Variants in PIP5K1B observed in about 807,000 individuals in gnomAD.
PIP5K1B encodes the protein phosphatidylinositol-4-phosphate 5-kinase type 1 beta, also known as phosphatidylinositol 4-phosphate 5-kinase type-1 beta.
Under a neutral mutation model 67.0 loss-of-function variants are expected in PIP5K1B, and 42 were observed. The ratio of observed to expected loss-of-function variants is 0.63; its 90% CI spans 0.49 to 0.81. The LOEUF (loss-of-function observed/expected upper bound fraction) is 0.81. PIP5K1B is among the 30% of genes least tolerant of loss of function. The probability of loss-of-function intolerance (pLI) is 0.00; values close to 1 mark genes in which losing one functional copy is unlikely to be tolerated. For missense variants in PIP5K1B, 459 were observed against 646.3 expected, an observed-to-expected ratio of 0.71 and a Z score of 3.14; for synonymous variants, 214 against 231.4, an observed-to-expected ratio of 0.92 and a Z score of 0.68.
chr9:68,750,356 T>C (rs1829562323), intron 2 of PIP5K1B, among the ~76,000 whole-genome samples: 1 of 152,180 alleles, frequency 6.6e-6, no homozygotes, highest in Non-Finnish European at 1.5e-5. Flanking sequence ...CTTTATATAA[T>C]TCCCTGGATA....
chr9:68,817,242 G>A (rs1337266229), intron 2 of PIP5K1B, among the ~76,000 whole-genome samples: 2 of 152,226 alleles, frequency 1.3e-5, no homozygotes, highest in African/African-American at 4.8e-5. Flanking sequence ...GTGCTGATCA[G>A]TGTGTCAATA....
intron 5 of PIP5K1B, among the ~76,000 whole-genome samples, chr9:68,871,888 A>G (rs1487193279): frequency 7.0e-6 from 1 of 142,902 alleles, no homozygotes; most frequent in Non-Finnish European, 1.5e-5. Context: ...CGCCAAGACA[A>G]GAAAGTCAGT....
intron 1 of PIP5K1B, among the ~76,000 whole-genome samples, chr9:68,736,061 A>G (rs1245594090): frequency 6.6e-6 from 1 of 152,178 alleles, no homozygotes; most frequent in African/African-American, 2.4e-5. Context: ...GGATGGAATC[A>G]CGGAAAGCGC....
intron 6 of PIP5K1B, among the ~76,000 whole-genome samples, chr9:68,887,382 T>A (rs1346026870): frequency 2.0e-5 from 3 of 152,036 alleles, no homozygotes. Flanking sequence ...AGCCTGGCTG[T>A]TGAGAGTATG....
At chr9:68,773,115 TC>T (rs1830744639) in intron 2 of PIP5K1B, among the ~76,000 whole-genome samples, 1 of 152,178 alleles carries the variant, frequency 6.6e-6, no homozygotes, top group African/African-American at 2.4e-5. Context: ...TACACTGAGC[TC>T]TTAAGATTCC....
chr9:68,847,111 A>G (rs1420214474), intron 4 of PIP5K1B, among the ~76,000 whole-genome samples: 1 of 152,144 alleles, frequency 6.6e-6, no homozygotes, highest in Non-Finnish European at 1.5e-5. Flanking sequence ...TATCTCTTGA[A>G]TTAATTAACT....
chr9:68,730,787 G>T (rs1828386614), intron 1 of PIP5K1B, among the ~76,000 whole-genome samples: 1 of 152,174 alleles, frequency 6.6e-6, no homozygotes, highest in African/African-American at 2.4e-5. Context: ...CCTTAAAATG[G>T]GTGGGTAGGC....
chr9:68,879,229 G>T (rs936241073), intron 6 of PIP5K1B, among the ~76,000 whole-genome samples: 1 of 152,176 alleles, frequency 6.6e-6, no homozygotes, highest in Admixed American at 6.5e-5. Context: ...TGATATCTGG[G>T]ATGTACTTCA....
chr9:68,924,401 C>CGAAAA (rs1341716504), intron 12 of PIP5K1B, among the ~76,000 whole-genome samples: 4 of 86,772 alleles, frequency 4.6e-5, no homozygotes, highest in African/African-American at 4.7e-5. Context: ...CACTGCGCCT[C>CGAAAA]AAAAAAAAAA....
intron 15 of PIP5K1B, among the ~76,000 whole-genome samples, chr9:68,998,012 C>G (rs764989713): frequency 2.2e-4 from 33 of 150,166 alleles, no homozygotes; most frequent in Non-Finnish European, 3.5e-4. Flanking sequence ...TACAGTGAAT[C>G]TTGGCTTGCA....
In PIP5K1B at chr9:68,932,103, C is replaced by T. The variant is rs562907337; in HGVS notation, c.1202-2787C>T. On this transcript the variant is annotated intron_variant, in intron 12 of 15. Transcript: ENST00000265382. ...AAGAACAAAGAGTTACTTCTTTTTC[C>T]AGTCTTTTGGCCCTCACTCCATGAA... Among the ~76,000 whole-genome samples, 4 of 152,228 alleles carry T rather than the reference C, an allele frequency of 2.6e-5. No homozygotes were observed. The South Asian group carries it at 8.3e-4, about 32-fold the overall frequency.
intron 2 of PIP5K1B, among the ~76,000 whole-genome samples, chr9:68,779,290 T>A (rs1208908986): frequency 6.6e-6 from 1 of 152,232 alleles, no homozygotes; most frequent in Non-Finnish European, 1.5e-5. Flanking sequence ...CATATGCTTG[T>A]GCTGGAACTA....
intron 14 of PIP5K1B, chr9:68,963,370 G>A (rs1335678747): frequency 5.7e-6 from 2 of 351,682 alleles, no homozygotes; most frequent in African/African-American, 2.1e-5. Flanking sequence ...GGGCGTGGTG[G>A]TGCATGCCTG....
intron 14 of PIP5K1B, among the ~76,000 whole-genome samples, chr9:68,977,133 G>C (rs762290910): frequency 3.3e-5 from 5 of 152,166 alleles, no homozygotes; most frequent in Admixed American, 6.5e-5. Context: ...TCTAGGAAGG[G>C]AACTAATTAT....
intron 4 of PIP5K1B, among the ~76,000 whole-genome samples, chr9:68,860,209 C>T (rs1455790227): frequency 6.6e-6 from 1 of 151,934 alleles, no homozygotes; most frequent in Non-Finnish European, 1.5e-5. Context: ...CAGCCCCCAA[C>T]CAGCCCCTGG....
At chr9:68,814,933 C>G (rs760635194) in intron 2 of PIP5K1B, among the ~76,000 whole-genome samples, 4 of 152,098 alleles carry the variant, frequency 2.6e-5, no homozygotes, top group African/African-American at 4.8e-5. Flanking sequence ...CTGCATTTTT[C>G]TCTTTTGTCT....
intron 2 of PIP5K1B, among the ~76,000 whole-genome samples, chr9:68,814,677 A>G (rs920340423): frequency 1.3e-5 from 2 of 152,110 alleles, no homozygotes; most frequent in South Asian, 2.1e-4. Context: ...AAAATTAGCC[A>G]GGTGTGGTGG....
intron 14 of PIP5K1B, among the ~76,000 whole-genome samples, chr9:68,986,988 C>T (rs1319663645): frequency 2.0e-5 from 3 of 152,206 alleles, no homozygotes; most frequent in Admixed American, 6.5e-5. Context: ...CACTGTGGCT[C>T]ATGCCTGTAA....
intron 11 of PIP5K1B, among the ~76,000 whole-genome samples, chr9:68,920,345 C>T: frequency 7.2e-6 from 1 of 139,574 alleles, no homozygotes; most frequent in Non-Finnish European, 1.5e-5. Context: ...TACATGCTGG[C>T]TGCCTGAGGT....
Sources: gnomAD v4.1 joint callset for allele counts (sites outside exome capture counted in the v4.1 genomes callset) on GRCh38, gnomAD v4.1.1 for gene constraint, MANE v1.5 for transcripts, NCBI Gene and HGNC (gene_info 2026-07-23, HGNC 2026-07-21) for gene names.